Variants in POR observed in about 807,000 individuals in gnomAD.
POR encodes the protein NADPH--cytochrome P450 reductase.
In POR, 56 loss-of-function variants were observed where a neutral mutation model predicts 84.0. The observed-to-expected ratio is 0.67, with a 90% CI of 0.54 to 0.83. POR has a LOEUF of 0.83. Among genes scored for constraint, POR ranks in the 40% least tolerant of loss-of-function variants. POR has a pLI of 0.00. For synonymous variants in POR, 414 were observed against 400.5 expected (o/e 1.03, Z -0.40); for missense variants, 938 against 944.3 (o/e 0.99, Z 0.09).
rs1305415979 is a variant in POR at position 75,983,460 on chromosome 7, G to A, written c.831-60G>A. On this transcript the variant is annotated intron_variant, in intron 8 of 15. Transcript: ENST00000461988. ...CTTTGTGCAACCAGAAGCGTCCTTG[G>A]AGACGGAGACTCAGATCAAAGCCCC... 3.5e-5 allele frequency: 44 copies of A among 1,241,524 alleles called. 1 individual carries two copies. The Admixed American group carries it at 6.7e-4, about 19-fold the overall frequency. The allele number at this position is 1,241,524 out of a possible 1,614,324, so 76.9% of individuals were successfully genotyped here.
At chr7:75,949,128 C>T (rs959603914) in intron 1 of POR, among the ~76,000 whole-genome samples, 1 of 151,606 alleles carries the variant, frequency 6.6e-6, no homozygotes. Context: ...TGTGTAAGGA[C>T]TTCAGGGCTT....
intron 1 of POR, among the ~76,000 whole-genome samples, chr7:75,916,333 G>A (rs2116158303): frequency 6.6e-6 from 1 of 152,332 alleles, no homozygotes; most frequent in Middle Eastern, 3.4e-3. Flanking sequence ...CTTGGGTCTT[G>A]CTTTATGGAG....
intron 1 of POR, among the ~76,000 whole-genome samples, chr7:75,951,439 A>T (rs1300338468): frequency 1.3e-5 from 2 of 152,028 alleles, no homozygotes; most frequent in Non-Finnish European, 2.9e-5. Context: ...ATTGAGATGA[A>T]CTCAAGCCAT....
rs1448854525 is a variant in POR, at chr7:75,954,185, G to A, written c.188+5G>A. ...GTTCACCAAAATTCAGACATTGTAA[G>A]TGCCGCCTCTCAGCCTCCTCTCTCT... On this transcript the variant is annotated splice_donor_5th_base_variant and intron_variant, in intron 2 of 15. Transcript: ENST00000461988. 1.2e-6 allele frequency: 2 copies of A among 1,603,840 alleles called. No homozygotes were observed. Among genetic ancestry groups the A allele is most frequent in the East Asian group, 4.5e-5 (2 of 44,604 alleles).
chr7:75,949,960 A>C (rs1424190912), intron 1 of POR, among the ~76,000 whole-genome samples: 1 of 150,864 alleles, frequency 6.6e-6, no homozygotes, highest in Non-Finnish European at 1.5e-5. Flanking sequence ...CCGGGTTCAC[A>C]CCATTCTCCC....
intron 1 of POR, chr7:75,922,966 C>T: frequency 4.4e-6 from 3 of 681,300 alleles, no homozygotes; most frequent in Non-Finnish European, 7.9e-6. Flanking sequence ...TCTCAGACGA[C>T]TAGAAGTAAA....
chr7:75,936,310 T>G (rs1554550820), intron 1 of POR, among the ~76,000 whole-genome samples: 1 of 151,482 alleles, frequency 6.6e-6, no homozygotes, highest in Non-Finnish European at 1.5e-5. Flanking sequence ...GGTCTCACTT[T>G]GTTGCCCAGG....
intron 2 of POR, among the ~76,000 whole-genome samples, chr7:75,958,419 GTGT>G (rs1585109294): frequency 6.6e-6 from 1 of 152,056 alleles, no homozygotes; most frequent in East Asian, 1.9e-4. Context: ...TGCCTGGAGT[GTGT>G]TATTATTTTT....
chr7:75,949,579 G>A (rs1199800820), intron 1 of POR, among the ~76,000 whole-genome samples: 1 of 151,990 alleles, frequency 6.6e-6, no homozygotes, highest in East Asian at 1.9e-4. Flanking sequence ...GAGTGCAGTG[G>A]TGTGATCTCA....
chr7:75,955,369 A>G (rs1787638466), intron 2 of POR, among the ~76,000 whole-genome samples: 1 of 152,256 alleles, frequency 6.6e-6, no homozygotes, highest in African/African-American at 2.4e-5. Flanking sequence ...AGGTCTGCCT[A>G]AGTGACTGCA....
intron 4 of POR, 66 bp downstream of exon 4, chr7:75,979,645 GGC>G: frequency 6.3e-7 from 1 of 1,583,312 alleles, no homozygotes; most frequent in Non-Finnish European, 8.6e-7. Flanking sequence ...AGGTCTGTAG[GGC>G]GCCCCTCAGC....
rs530985614 is a variant in POR, at chr7:75,951,396, AAAAAT to A, written c.-4-2583_-4-2579del. Among the ~76,000 whole-genome samples the A allele has an allele frequency of 1.2e-3, 178 of 152,312 alleles. 3 individuals are homozygous for A. The South Asian group carries it at 0.034, about 29-fold the overall frequency. On this transcript the variant is annotated intron_variant, in intron 1 of 15. Coordinates refer to ENST00000461988, the MANE Select transcript of POR (RefSeq NM_000941.3). ...GTGACAGAGAGAGACTCTATCTCAAAAAAATAAAATAAAAAAGAAAGAAAAAAGCT... is the reference window on the plus strand; with the variant it reads ...GTGACAGAGAGAGACTCTATCTCAAAAAAATAAAAAAGAAAGAAAAAAGCT...
intron 2 of POR, among the ~76,000 whole-genome samples, chr7:75,971,727 C>G (rs534731917): frequency 1.3e-5 from 2 of 151,966 alleles, no homozygotes; most frequent in South Asian, 4.2e-4. Flanking sequence ...CTGACCCTTG[C>G]GCAGGACCTT....
chr7:75,953,069 C>T (rs979161618), intron 1 of POR, among the ~76,000 whole-genome samples: 6 of 152,214 alleles, frequency 3.9e-5, no homozygotes, highest in Admixed American at 1.3e-4. Context: ...GCAATCCCGG[C>T]ACCTCGGGAG....
intron 1 of POR, 88 bp from the exon 2 acceptor site, chr7:75,953,901 A>C: frequency 9.4e-7 from 1 of 1,060,208 alleles, no homozygotes; most frequent in East Asian, 2.6e-5. Flanking sequence ...CCCAGGGGCA[A>C]GGCCCAGCAT....
chr7:75,961,271 CT>C (rs1479097583), intron 2 of POR, among the ~76,000 whole-genome samples: 3 of 42,916 alleles, frequency 7.0e-5, no homozygotes, highest in Non-Finnish European at 1.1e-4. Context: ...CTTACAGCTT[CT>C]TTAAAAAAAA....
chr7:75,929,012 T>C (rs1807286269), intron 1 of POR, among the ~76,000 whole-genome samples: 1 of 152,142 alleles, frequency 6.6e-6, no homozygotes, highest in South Asian at 2.1e-4. Flanking sequence ...AAGGATTTTG[T>C]CTTCCTTGTA....
intron 6 of POR, 100 bp downstream of exon 6, chr7:75,981,272 G>C: frequency 2.1e-6 from 3 of 1,432,100 alleles, no homozygotes; most frequent in Non-Finnish European, 2.8e-6. Flanking sequence ...GAGACTCAGC[G>C]ACACGCACCT....
intron 1 of POR, among the ~76,000 whole-genome samples, chr7:75,937,116 C>T (rs1191357953): frequency 4.0e-5 from 6 of 151,402 alleles, no homozygotes; most frequent in African/African-American, 7.3e-5. Flanking sequence ...CGTGAGCCAC[C>T]GCATCCGGCC....
Sources: allele counts gnomAD v4.1 joint callset (sites outside exome capture counted in the v4.1 genomes callset), GRCh38; gene constraint gnomAD v4.1.1; transcripts MANE v1.5; gene names NCBI Gene and HGNC (gene_info 2026-07-23, HGNC 2026-07-21).